Variants in ARSF observed in about 807,000 individuals in gnomAD.
ARSF encodes arylsulfatase F.
Under a neutral mutation model 35.4 loss-of-function variants are expected in ARSF, and 33 were observed. That is an observed-to-expected ratio of 0.93 (90% confidence interval 0.71 to 1.25). ARSF has a LOEUF of 1.25. Among genes scored for constraint, ARSF ranks in the 50% most tolerant of loss-of-function variants. The pLI is 0.00. For missense variants in ARSF, 501 were observed against 480.2 expected, an observed-to-expected ratio of 1.04 and a Z score of -0.40; for synonymous variants, 222 against 193.1, an observed-to-expected ratio of 1.15 and a Z score of -1.24.
intron 3 of ARSF, among the ~76,000 whole-genome samples, chrX:3,073,763 TTA>T (rs2090127007): frequency 1.0e-5 from 1 of 99,614 alleles, no homozygotes. Flanking sequence ...ATATATTCAA[TTA>T]TATATATTCA....
intron 1 of ARSF, among the ~76,000 whole-genome samples, chrX:3,047,901 G>A (rs2147473334): frequency 9.0e-6 from 1 of 111,028 alleles, no homozygotes; most frequent in East Asian, 2.8e-4. Flanking sequence ...ACAGTTCCAC[G>A]TGGTGGGGGA....
At chrX:3,070,528 CCT>C (rs901655448) in intron 2 of ARSF, among the ~76,000 whole-genome samples, 4 of 111,122 alleles carry the variant, frequency 3.6e-5, no homozygotes, top group Admixed American at 2.9e-4. Flanking sequence ...ATGATTTGCC[CCT>C]GAGTACGTGT....
intron 1 of ARSF, among the ~76,000 whole-genome samples, chrX:3,052,028 C>CAA (rs59838931): frequency 2.5e-4 from 27 of 109,097 alleles, no homozygotes; most frequent in Non-Finnish European, 4.4e-4. Context: ...CAACAAAAAA[C>CAA]AAAAAAAAAC....
chrX:3,090,229 G>T (rs930174279), intron 7 of ARSF, among the ~76,000 whole-genome samples: 50 of 111,750 alleles, frequency 4.5e-4, no homozygotes, highest in Non-Finnish European at 6.0e-4. Context: ...GATACGTATA[G>T]ATAGTAAAAT....
chrX:3,068,198 G>A (rs2090079820), intron 2 of ARSF, 87 bp downstream of exon 2: 1 of 890,633 alleles, frequency 1.1e-6, no homozygotes, highest in Non-Finnish European at 1.5e-6. Flanking sequence ...ATAGGTAGAG[G>A]CATTTAATAT....
At position 3,103,752 on chromosome X, in the gene ARSF, T is replaced by G; in HGVS notation, c.1103-10T>G. 8.3e-7 allele frequency: 1 copy of G among 1,208,980 alleles called. No homozygotes were observed. The highest frequency in any genetic ancestry group is 3.0e-5 in the East Asian group (1 of 33,798). On this transcript the variant is annotated splice_polypyrimidine_tract_variant and intron_variant, in intron 8 of 10. Coordinates refer to ENST00000381127, the MANE Select transcript of ARSF (RefSeq NM_001201539.2). ...GCACAATAATTGAACTTAATTGCAT[T>G]GTCTTATAGGTGGAAAAGGCATGGG...
At chrX:3,093,372 A>C (rs2090314835) in intron 7 of ARSF, among the ~76,000 whole-genome samples, 1 of 111,655 alleles carries the variant, frequency 9.0e-6, no homozygotes, top group Non-Finnish European at 1.9e-5. Flanking sequence ...GGGAGCGAGC[A>C]TGGCAACCAA....
intron 6 of ARSF, among the ~76,000 whole-genome samples, chrX:3,087,342 C>G: frequency 8.9e-6 from 1 of 111,741 alleles, no homozygotes; most frequent in Non-Finnish European, 1.9e-5. Context: ...TCTGTAGGCT[C>G]TAGGGGAGGA....
chrX:3,082,461 C>T (rs1426122308), intron 5 of ARSF, among the ~76,000 whole-genome samples: 2 of 111,545 alleles, frequency 1.8e-5, no homozygotes, highest in South Asian at 3.8e-4. Flanking sequence ...ATGAATCTAT[C>T]TACCCATCAT....
intron 1 of ARSF, among the ~76,000 whole-genome samples, chrX:3,045,943 C>T (rs1393391583): frequency 2.2e-4 from 24 of 110,505 alleles, no homozygotes; most frequent in Non-Finnish European, 4.0e-4. Context: ...GGTGCAGTGG[C>T]GTGATCTTGG....
At chrX:3,071,364 C>T (rs1025199475) in intron 2 of ARSF, among the ~76,000 whole-genome samples, 1 of 110,592 alleles carries the variant, frequency 9.0e-6, no homozygotes, top group Non-Finnish European at 1.9e-5. Context: ...AGTGCAGTGG[C>T]ACAATCTTGG....
chrX:3,092,889 G>A (rs1465918373), intron 7 of ARSF, among the ~76,000 whole-genome samples: 4 of 112,044 alleles, frequency 3.6e-5, no homozygotes, highest in African/African-American at 1.3e-4. Context: ...ATTATCATAG[G>A]TGGCCGGGCG....
intron 1 of ARSF, 68 bp from the exon 2 acceptor site, chrX:3,068,005 G>A: frequency 1.2e-6 from 1 of 812,716 alleles, no homozygotes; most frequent in African/African-American, 2.2e-5. Flanking sequence ...TAATTTAATT[G>A]ACACATGAAT....
intron 1 of ARSF, among the ~76,000 whole-genome samples, chrX:3,062,117 G>A (rs1189243769): frequency 4.6e-5 from 5 of 109,265 alleles, no homozygotes; most frequent in Admixed American, 2.0e-4. Flanking sequence ...AGACCACAGT[G>A]CAATCAAATT....
rs1006246199 is a variant in ARSF, at chrX:3,082,552, A to G, written c.406+1539A>G. 5.4e-5 allele frequency among the ~76,000 whole-genome samples: 6 copies of G among 110,717 alleles called. No individual in the cohort carries two copies. The Admixed American group carries it at 5.8e-4, about 11-fold the overall frequency. On this transcript the variant is annotated intron_variant, in intron 5 of 10. Transcript: ENST00000381127. ...ATCCATCATCTATATCTGTCTATTT[A>G]TCTAGCCATTCATTCATCTATTTAG...
chrX:3,097,537 A>C (rs1334063540), intron 7 of ARSF, among the ~76,000 whole-genome samples: 3 of 111,926 alleles, frequency 2.7e-5, no homozygotes, highest in African/African-American at 9.7e-5. Context: ...ACACAGGAGG[A>C]AACTCATGAT....
chrX:3,040,463 G>A (rs748926152), upstream of ARSF, among the ~76,000 whole-genome samples: 1 of 110,843 alleles, frequency 9.0e-6, no homozygotes, highest in East Asian at 2.9e-4. Context: ...CCTACTTTAG[G>A]TTTGGTGGTG....
chrX:3,058,098 A>G, intron 1 of ARSF: 1 of 112,150 alleles, frequency 8.9e-6, no homozygotes, highest in East Asian at 2.8e-4. Flanking sequence ...TGCCCTTATG[A>G]CAGTTGTGTG....
intron 5 of ARSF, among the ~76,000 whole-genome samples, chrX:3,082,976 T>C (rs149029930): frequency 1.6e-3 from 174 of 110,394 alleles, no homozygotes; most frequent in African/African-American, 4.8e-3. Context: ...TATCTATTTA[T>C]CTATCTATCC....
Sources: allele counts gnomAD v4.1 joint callset (sites outside exome capture counted in the v4.1 genomes callset), GRCh38; gene constraint gnomAD v4.1.1; transcripts MANE v1.5; gene names NCBI Gene and HGNC (gene_info 2026-07-23, HGNC 2026-07-21).